The following NTRK2 variants were observed in gnomAD, a reference collection of about 807,000 sequenced individuals.
NTRK2 encodes the protein neurotrophic receptor tyrosine kinase 2, also known as BDNF/NT-3 growth factors receptor.
NTRK2 carries 13 observed loss-of-function variants against 94.5 expected under a neutral mutation model. The ratio of observed to expected loss-of-function variants is 0.14; its 90% CI spans 0.09 to 0.22. The LOEUF (loss-of-function observed/expected upper bound fraction) is 0.22, where lower values mean the gene tolerates loss of function less well. NTRK2 is among the 10% of genes least tolerant of loss of function. The probability of loss-of-function intolerance (pLI) is 1.00; values close to 1 mark genes in which losing one functional copy is unlikely to be tolerated. For missense variants in NTRK2, 639 were observed against 1,071.2 expected, an observed-to-expected ratio of 0.60 and a Z score of 5.63; for synonymous variants, 372 against 407.4, an observed-to-expected ratio of 0.91 and a Z score of 1.05.
At chr9:84,896,604 T>TGTAA (rs1317829939) in intron 14 of NTRK2, among the ~76,000 whole-genome samples, 3 of 152,188 alleles carry the variant, frequency 2.0e-5, no homozygotes, top group African/African-American at 7.2e-5. Context: ...ACTGGCAGAG[T>TGTAA]GTAAGTGCAT....
In NTRK2 at chr9:84,702,357, G is replaced by A. The variant is rs1265835534; in HGVS notation, c.297G>A (p.Val99=). ...AYVGLRNLTI[V]DSGLKFVAHK... The stretch of plus-strand genomic sequence containing the variant: ...TTATGTGTTTTCACAGGACAATTGT[G>A]GATTCTGGATTAAAATTTGTGGCTC... The change falls in exon 4 of 19, where the codon GTG becomes GTA. Residue 99 remains valine, a synonymous_variant. Transcript: ENST00000277120. The A allele has an allele frequency of 6.2e-7, 1 of 1,614,002 alleles. No individual in the cohort carries two copies. Among genetic ancestry groups the A allele is most frequent in the African/African-American group, 1.3e-5 (1 of 74,924 alleles).
intron 12 of NTRK2, among the ~76,000 whole-genome samples, chr9:84,793,554 T>C (rs1184740961): frequency 1.3e-5 from 2 of 152,220 alleles, no homozygotes; most frequent in Non-Finnish European, 2.9e-5. Flanking sequence ...ACCTGCCCCA[T>C]GCATTCGCTT....
chr9:84,673,562 C>T (rs1215402233), intron 2 of NTRK2, among the ~76,000 whole-genome samples: 1 of 151,972 alleles, frequency 6.6e-6, no homozygotes, highest in Non-Finnish European at 1.5e-5. Flanking sequence ...AACGGTTTAC[C>T]ATATCATTCA....
intron 14 of NTRK2, among the ~76,000 whole-genome samples, chr9:84,892,543 C>T (rs1480757284): frequency 6.6e-6 from 1 of 152,236 alleles, no homozygotes; most frequent in Non-Finnish European, 1.5e-5. Flanking sequence ...CCTGTCAGTG[C>T]ATCATCAGTC....
intron 17 of NTRK2, among the ~76,000 whole-genome samples, chr9:84,993,176 A>G (rs1019147392): frequency 1.3e-5 from 2 of 152,064 alleles, no homozygotes; most frequent in African/African-American, 4.8e-5. Flanking sequence ...GGAATTTCTC[A>G]AGGCCCCTTC....
chr9:84,687,208 C>T (rs2059772412), intron 2 of NTRK2, among the ~76,000 whole-genome samples: 1 of 152,018 alleles, frequency 6.6e-6, no homozygotes, highest in Non-Finnish European at 1.5e-5. Context: ...AGTCACTGTG[C>T]CTGGTTTTGG....
chr9:84,724,083 C>T (rs946096029), intron 7 of NTRK2, 141 bp from the exon 8 acceptor site: 28 of 852,426 alleles, frequency 3.3e-5, no homozygotes, highest in Admixed American at 2.4e-4. Flanking sequence ...TTTACTTCTT[C>T]GCCTGAGCCC....
intron 12 of NTRK2, among the ~76,000 whole-genome samples, chr9:84,792,987 C>A (rs1377666066): frequency 6.6e-6 from 1 of 152,164 alleles, no homozygotes; most frequent in African/African-American, 2.4e-5. Flanking sequence ...CCATCAGTAT[C>A]ATCACCATCA....
chr9:84,787,944 T>C (rs564322876), intron 12 of NTRK2, among the ~76,000 whole-genome samples: 2 of 152,320 alleles, frequency 1.3e-5, no homozygotes, highest in Non-Finnish European at 2.9e-5. Context: ...TTATTCACCT[T>C]TCTGTGCCTC....
chr9:84,947,957 G>A (rs1017498876), intron 15 of NTRK2, among the ~76,000 whole-genome samples: 2 of 152,176 alleles, frequency 1.3e-5, no homozygotes, highest in African/African-American at 4.8e-5. Flanking sequence ...TTTGTGAGCC[G>A]GCAGTGTTTG....
chr9:85,013,518 G>A (rs546850185), intron 17 of NTRK2, among the ~76,000 whole-genome samples: 64 of 152,262 alleles, frequency 4.2e-4, no homozygotes, highest in African/African-American at 1.5e-3. Context: ...GGTCAGGCTG[G>A]TCTAACTCCT....
intron 17 of NTRK2, among the ~76,000 whole-genome samples, chr9:84,980,530 C>T (rs577131913): frequency 9.8e-5 from 15 of 152,310 alleles, no homozygotes; most frequent in Middle Eastern, 3.4e-3. Flanking sequence ...TCTGTTACAT[C>T]CAGCCTTGAG....
At chr9:84,742,869 A>G (rs2063769914) in intron 10 of NTRK2, among the ~76,000 whole-genome samples, 1 of 134,538 alleles carries the variant, frequency 7.4e-6, no homozygotes, top group Admixed American at 8.9e-5. Flanking sequence ...GGCGCGATCT[A>G]TGCTCACTGC....
chr9:84,877,429 G>A (rs993403246), intron 14 of NTRK2: 1 of 1,065,894 alleles, frequency 9.4e-7, no homozygotes, highest in African/African-American at 1.6e-5. Flanking sequence ...TGAGTGGGTG[G>A]GTATGGATAG....
At chr9:85,013,358 A>G (rs959481455) in intron 17 of NTRK2, among the ~76,000 whole-genome samples, 2 of 152,098 alleles carry the variant, frequency 1.3e-5, no homozygotes, top group African/African-American at 4.8e-5. Flanking sequence ...GCTGGAATGC[A>G]GTGGCGTGAT....
intron 10 of NTRK2, 26 bp from the exon 11 acceptor site, chr9:84,744,947 C>T (rs753315563): frequency 3.9e-6 from 6 of 1,520,148 alleles, no homozygotes; most frequent in African/African-American, 2.7e-5. Context: ...TCATGTTCTT[C>T]CTCATTCCCC....
intron 2 of NTRK2, among the ~76,000 whole-genome samples, chr9:84,679,348 T>G (rs2059257162): frequency 6.6e-6 from 1 of 152,188 alleles, no homozygotes. Flanking sequence ...CATTTGGCTG[T>G]AAACCCCCTT....
At chr9:84,778,240 G>A (rs1212434822) in intron 12 of NTRK2, among the ~76,000 whole-genome samples, 2 of 152,170 alleles carry the variant, frequency 1.3e-5, no homozygotes, top group Admixed American at 6.5e-5. Flanking sequence ...TCCATCCTGG[G>A]TGACAGATTA....
At chr9:84,725,350 A>G (rs1466695298) in intron 8 of NTRK2, among the ~76,000 whole-genome samples, 1 of 152,174 alleles carries the variant, frequency 6.6e-6, no homozygotes, top group East Asian at 1.9e-4. Flanking sequence ...TAAACTCATA[A>G]TTTCTCATCA....
Sources: gnomAD v4.1 joint callset for allele counts (sites outside exome capture counted in the v4.1 genomes callset) on GRCh38, gnomAD v4.1.1 for gene constraint, MANE v1.5 for transcripts, NCBI Gene and HGNC (gene_info 2026-07-23, HGNC 2026-07-21) for gene names.